The following RAB38 variants were observed in gnomAD, a reference collection of about 807,000 sequenced individuals.
RAB38 encodes the protein ras-related protein Rab-38.
Under a neutral mutation model 18.4 loss-of-function variants are expected in RAB38, and 15 were observed. That is an observed-to-expected ratio of 0.82 (90% confidence interval 0.55 to 1.26). RAB38 has a LOEUF of 1.26. Among genes scored for constraint, RAB38 ranks in the 50% most tolerant of loss-of-function variants. The pLI is 0.00. For missense variants in RAB38, 294 were observed against 267.4 expected, an observed-to-expected ratio of 1.10 and a Z score of -0.69; for synonymous variants, 101 against 104.4, an observed-to-expected ratio of 0.97 and a Z score of 0.20.
the RAB38 span, among the ~76,000 whole-genome samples, chr11:88,059,252 C>G: frequency 6.6e-6 from 1 of 152,186 alleles, no homozygotes; most frequent in Non-Finnish European, 1.5e-5. Context: ...TATTAACACA[C>G]GTTTTGAATG....
intron 1 of RAB38, among the ~76,000 whole-genome samples, chr11:88,171,440 A>G (rs1230149218): frequency 6.6e-6 from 1 of 152,226 alleles, no homozygotes; most frequent in Admixed American, 6.5e-5. Flanking sequence ...TAGATGAGGC[A>G]ATTGAGGTTC....
chr11:87,889,558 T>A, the RAB38 span, among the ~76,000 whole-genome samples: 1 of 151,932 alleles, frequency 6.6e-6, no homozygotes, highest in African/African-American at 2.4e-5. Context: ...GTAGCTACTA[T>A]ATGTGAGGTT....
chr11:88,116,627 C>T (rs1591152660), intron 2 of RAB38, among the ~76,000 whole-genome samples: 2 of 152,142 alleles, frequency 1.3e-5, no homozygotes, highest in Non-Finnish European at 1.5e-5. Flanking sequence ...TTCAGAAAAC[C>T]AGGAACAATC....
At chr11:88,048,143 A>G in the RAB38 span, among the ~76,000 whole-genome samples, 1 of 152,046 alleles carries the variant, frequency 6.6e-6, no homozygotes. Context: ...GCCCCCACCC[A>G]GGACTGGCAA....
chr11:88,155,993 T>A (rs1242442068), intron 1 of RAB38, among the ~76,000 whole-genome samples: 2 of 152,162 alleles, frequency 1.3e-5, no homozygotes, highest in African/African-American at 4.8e-5. Flanking sequence ...AGAATATTTT[T>A]TAAATGAAGA....
At chr11:87,963,834 C>G in the RAB38 span, among the ~76,000 whole-genome samples, 148,663 of 152,020 alleles carry the variant, frequency 0.98, 72,765 homozygotes, top group East Asian at 1. Flanking sequence ...TTTTAGTAGA[C>G]ACAGGGTTTC....
the RAB38 span, among the ~76,000 whole-genome samples, chr11:87,925,270 C>G: frequency 6.6e-6 from 1 of 152,062 alleles, no homozygotes; most frequent in Non-Finnish European, 1.5e-5. Flanking sequence ...AGACTTAATT[C>G]AAACGCCAAT....
chr11:88,028,163 A>G, the RAB38 span, among the ~76,000 whole-genome samples: 1 of 152,242 alleles, frequency 6.6e-6, no homozygotes, highest in Non-Finnish European at 1.5e-5. Context: ...CCTGCAGCTG[A>G]GGGTCCTGTC....
At chr11:87,946,840 G>A in the RAB38 span, among the ~76,000 whole-genome samples, 93 of 152,212 alleles carry the variant, frequency 6.1e-4, no homozygotes, top group Non-Finnish European at 1.1e-3. Flanking sequence ...GAATAGTGCC[G>A]CTATAAACAT....
the RAB38 span, among the ~76,000 whole-genome samples, chr11:88,031,194 A>C: frequency 6.6e-6 from 1 of 152,104 alleles, no homozygotes; most frequent in South Asian, 2.1e-4. Context: ...CATGCTAAAA[A>C]CTCTCAGCAA....
the RAB38 span, among the ~76,000 whole-genome samples, chr11:87,959,436 T>C: frequency 2.6e-5 from 4 of 152,204 alleles, no homozygotes; most frequent in Non-Finnish European, 5.9e-5. Context: ...CATACTCATA[T>C]CTATCTGACT....
the RAB38 span, among the ~76,000 whole-genome samples, chr11:87,821,873 A>G: frequency 2.0e-5 from 3 of 151,838 alleles, no homozygotes; most frequent in Admixed American, 6.6e-5. Context: ...AAAGGATAAT[A>G]CAGTATTGGG....
At chr11:88,147,736 C>CA (rs572578242) in intron 2 of RAB38, among the ~76,000 whole-genome samples, 4 of 151,724 alleles carry the variant, frequency 2.6e-5, no homozygotes, top group African/African-American at 9.7e-5. Context: ...ACTAAAAATA[C>CA]AAAAAAATTA....
At chr11:88,031,755 C>G in the RAB38 span, among the ~76,000 whole-genome samples, 1 of 152,024 alleles carries the variant, frequency 6.6e-6, no homozygotes, top group Non-Finnish European at 1.5e-5. Flanking sequence ...GAAGAACATT[C>G]CATGCTCAAG....
the RAB38 span, among the ~76,000 whole-genome samples, chr11:87,969,550 C>T: frequency 6.6e-6 from 1 of 152,064 alleles, no homozygotes; most frequent in Non-Finnish European, 1.5e-5. Flanking sequence ...TATAATTTAA[C>T]TACTATTATT....
chr11:88,062,093 G>A, the RAB38 span: 1 of 151,918 alleles, frequency 6.6e-6, no homozygotes, highest in Non-Finnish European at 1.5e-5. Context: ...TGAAGAAATA[G>A]ATTTGGCAGT....
chr11:88,169,814 T>C (rs921643082), intron 1 of RAB38, among the ~76,000 whole-genome samples: 4 of 152,230 alleles, frequency 2.6e-5, no homozygotes, highest in African/African-American at 9.6e-5. Flanking sequence ...TCTGAAGTTA[T>C]GTCTATCAAT....
chr11:87,875,347 AAAAT>A, the RAB38 span, among the ~76,000 whole-genome samples: 1 of 151,558 alleles, frequency 6.6e-6, no homozygotes, highest in East Asian at 2.0e-4. Context: ...AAAGGTGAGA[AAAAT>A]AAAATAAAAT....
chr11:87,827,947 C>T, the RAB38 span, among the ~76,000 whole-genome samples: 2 of 152,098 alleles, frequency 1.3e-5, no homozygotes, highest in Non-Finnish European at 2.9e-5. Flanking sequence ...GATCTTAGAA[C>T]ACAAAAAGAA....
Sources: gnomAD v4.1 joint callset for allele counts (sites outside exome capture counted in the v4.1 genomes callset) on GRCh38, gnomAD v4.1.1 for gene constraint, MANE v1.5 for transcripts, NCBI Gene and HGNC (gene_info 2026-07-23, HGNC 2026-07-21) for gene names.